Variants in CNIH3 observed in about 807,000 individuals in gnomAD.
CNIH3 encodes cornichon family AMPA receptor auxiliary protein 3.
In CNIH3, 14 loss-of-function variants were observed where a neutral mutation model predicts 24.1. The observed-to-expected ratio is 0.58, with a 90% CI of 0.38 to 0.91. CNIH3 has a LOEUF of 0.91. CNIH3 is among the 40% of genes least tolerant of loss of function. The pLI is 0.00. For synonymous variants in CNIH3, 68 were observed against 73.8 expected, an observed-to-expected ratio of 0.92 and a Z score of 0.40; for missense variants, 178 against 196.8, an observed-to-expected ratio of 0.90 and a Z score of 0.57.
downstream of CNIH3, among the ~76,000 whole-genome samples, chr1:224,537,846 A>G (rs1024113054): frequency 6.6e-6 from 1 of 152,182 alleles, no homozygotes; most frequent in African/African-American, 2.4e-5. Flanking sequence ...GTGACTATTT[A>G]TTGTCAGTAC....
chr1:224,585,724 A>T (rs1372325675), intron 5 of CNIH3, among the ~76,000 whole-genome samples: 1 of 151,650 alleles, frequency 6.6e-6, no homozygotes, highest in Non-Finnish European at 1.5e-5. Context: ...GGCTCAAGTG[A>T]TCCTCCCACT....
chr1:224,452,564 A>T (rs542218468), intron 1 of CNIH3, among the ~76,000 whole-genome samples: 4 of 148,486 alleles, frequency 2.7e-5, no homozygotes, highest in African/African-American at 7.5e-5. Flanking sequence ...GGCGGATCAC[A>T]AGGTCAGGAG....
At position 224,692,848 on chromosome 1, in the gene CNIH3, C is replaced by T. The variant is rs1332355315; in HGVS notation, c.198+8005C>T. On this transcript the variant is annotated intron_variant, in intron 3 of 5. Transcript: ENST00000272133. ...TTGCTGCTTCTTTTCGAAACATGCT[C>T]CTTAAGGACCACCGCTACAGTAACA... is the stretch of plus-strand genomic sequence containing the variant. Among the ~76,000 whole-genome samples the T allele has an allele frequency of 3.9e-5, 6 of 152,278 alleles. No homozygotes were observed. The East Asian group carries it at 1.2e-3, about 29-fold the overall frequency.
At chr1:224,457,584 T>G (rs1430456273) in intron 1 of CNIH3, among the ~76,000 whole-genome samples, 1 of 151,156 alleles carries the variant, frequency 6.6e-6, no homozygotes, top group Non-Finnish European at 1.5e-5. Flanking sequence ...GACGAAATAT[T>G]GGGCCAAAGG....
rs71170028 is a variant in CNIH3, at chr1:224,674,272, G to GTTTTTTTTTTTTTTTTTTTT, written c.82-6670_82-6651dup. 2.2e-4 allele frequency among the ~76,000 whole-genome samples: 16 copies of GTTTTTTTTTTTTTTTTTTTT among 72,078 alleles called. 1 individual carries two copies. Among genetic ancestry groups the GTTTTTTTTTTTTTTTTTTTT allele is most frequent in the East Asian group, 7.7e-4 (2 of 2,606 alleles). The allele number at this position is 72,078 out of a possible 152,430, so 47.3% of individuals were successfully genotyped here. On this transcript the variant is annotated intron_variant, in intron 1 of 5. Transcript: ENST00000272133. ...AATCGTTTCTTCATCTTCCAGGAAG[G>GTTTTTTTTTTTTTTTTTTTT]TTTTTTTTTTTTTTTTTTTTTTTTT...
intron 4 of CNIH3, among the ~76,000 whole-genome samples, chr1:224,582,420 CG>C (rs1681313393): frequency 6.6e-6 from 1 of 151,594 alleles, no homozygotes; most frequent in Non-Finnish European, 1.5e-5. Context: ...GAACAGAGCA[CG>C]GTTTTTTTTT....
chr1:224,434,875 TA>T (rs1488444541), intron 1 of CNIH3: 3 of 984,948 alleles, frequency 3.0e-6, no homozygotes, highest in Admixed American at 6.2e-5. Context: ...ATGGAACCTA[TA>T]GGGGGCCTGT....
chr1:224,691,797 G>A (rs1686945604), intron 3 of CNIH3, among the ~76,000 whole-genome samples: 1 of 152,182 alleles, frequency 6.6e-6, no homozygotes, highest in African/African-American at 2.4e-5. Context: ...TAAGCATGTG[G>A]CACTTCTAAA....
intron 3 of CNIH3, among the ~76,000 whole-genome samples, chr1:224,686,218 C>T (rs1686653483): frequency 6.9e-6 from 1 of 144,382 alleles, no homozygotes; most frequent in Non-Finnish European, 1.5e-5. Flanking sequence ...TAAGTGTTCT[C>T]ATTGTTCAGT....
At chr1:224,450,475 C>T (rs986826503) in intron 1 of CNIH3, among the ~76,000 whole-genome samples, 2 of 152,082 alleles carry the variant, frequency 1.3e-5, no homozygotes, top group African/African-American at 4.8e-5. Flanking sequence ...TCGTGAAGAT[C>T]AGGGTAAAGA....
At chr1:224,492,285 C>T (rs934400798) in intron 1 of CNIH3, among the ~76,000 whole-genome samples, 2 of 152,226 alleles carry the variant, frequency 1.3e-5, no homozygotes, top group African/African-American at 4.8e-5. Flanking sequence ...TTGTTAAACA[C>T]TTACCGACAC....
intron 3 of CNIH3, among the ~76,000 whole-genome samples, chr1:224,712,405 A>T (rs966397602): frequency 6.6e-6 from 1 of 152,156 alleles, no homozygotes; most frequent in Non-Finnish European, 1.5e-5. Flanking sequence ...GTGGGTATTT[A>T]TGTATCTTTT....
intron 5 of CNIH3, 91 bp downstream of exon 5, chr1:224,734,797 G>A (rs1445837975): frequency 1.5e-5 from 21 of 1,374,942 alleles, no homozygotes; most frequent in Middle Eastern, 1.8e-4. Flanking sequence ...TTTGGGAGAT[G>A]GCGTGCGAGG....
At chr1:224,483,080 C>G (rs1676877335) in intron 1 of CNIH3, among the ~76,000 whole-genome samples, 1 of 152,178 alleles carries the variant, frequency 6.6e-6, no homozygotes, top group African/African-American at 2.4e-5. Flanking sequence ...TCTCTCTGTG[C>G]CACACAGCTG....
chr1:224,704,405 G>A lies in CNIH3; in HGVS notation c.198+19562G>A, dbSNP rs1252540538. On this transcript the variant is annotated intron_variant, in intron 3 of 5. Coordinates refer to ENST00000272133, the MANE Select transcript of CNIH3 (RefSeq NM_152495.2). This position sits in a 1 kb window ranked among gnomAD's most constrained non-coding sequence, Gnocchi z 4.2. ...TATGCACATTCGAATCCCCTGGGGA[G>A]CTTTTAAAACCCAGGGATCCAGAGG... 6.6e-6 allele frequency among the ~76,000 whole-genome samples: 1 copy of A among 152,168 alleles called. No homozygotes were observed. Among genetic ancestry groups the A allele is most frequent in the East Asian group, 1.9e-4 (1 of 5,198 alleles).
At position 224,534,091 on chromosome 1, in the gene CNIH3, G is replaced by A. The variant is rs533307492; in HGVS notation, n.344-2845G>A. On this transcript the variant is annotated intron_variant and non_coding_transcript_variant, in intron 2 of 2. Transcript: ENST00000470602. ...GAGGTGGGATGATTGCTTGAGCCTC[G>A]GAGGTTGAGGCTTCAGTGAGCCATG... Among the ~76,000 whole-genome samples, 29 of 152,328 alleles carry A rather than the reference G, an allele frequency of 1.9e-4. No individual in the cohort carries two copies. The South Asian group carries it at 6.0e-3, about 32-fold the overall frequency.
chr1:224,702,863 CCA>C (rs1334653094), intron 3 of CNIH3, among the ~76,000 whole-genome samples: 3 of 152,170 alleles, frequency 2.0e-5, no homozygotes, highest in Admixed American at 6.5e-5. Flanking sequence ...CATTTCTTCC[CCA>C]CTCCTCGGGC....
intron 1 of CNIH3, among the ~76,000 whole-genome samples, chr1:224,618,983 A>G (rs983383681): frequency 3.3e-5 from 5 of 152,234 alleles, no homozygotes; most frequent in Non-Finnish European, 5.9e-5. Flanking sequence ...ATGTGCTTTA[A>G]AGGAACTTTC....
chr1:224,681,231 G>C (rs1222277202), intron 2 of CNIH3, among the ~76,000 whole-genome samples: 1 of 152,184 alleles, frequency 6.6e-6, no homozygotes, highest in Non-Finnish European at 1.5e-5. Flanking sequence ...AATCAGATGT[G>C]ACTGTCCCAG....
Sources: allele counts gnomAD v4.1 joint callset (sites outside exome capture counted in the v4.1 genomes callset), GRCh38; gene constraint gnomAD v4.1.1; non-coding constraint Gnocchi (gnomAD v3.1); transcripts MANE v1.5; gene names NCBI Gene and HGNC (gene_info 2026-07-23, HGNC 2026-07-21).